Variants in SLC35F1 observed in about 807,000 individuals in gnomAD.
SLC35F1 encodes the protein solute carrier family 35 member F1, also known as chromosome 6 open reading frame 169.
Under a neutral mutation model 48.7 loss-of-function variants are expected in SLC35F1, and 14 were observed. The ratio of observed to expected loss-of-function variants is 0.29; its 90% CI spans 0.19 to 0.45. The LOEUF is 0.45. SLC35F1 is among the 20% of genes least tolerant of loss of function. SLC35F1 has a pLI of 1.00. For missense variants in SLC35F1, 404 were observed against 500.0 expected, an observed-to-expected ratio of 0.81 and a Z score of 1.83; for synonymous variants, 190 against 202.2, an observed-to-expected ratio of 0.94 and a Z score of 0.51.
intron 1 of SLC35F1, among the ~76,000 whole-genome samples, chr6:118,051,808 C>A (rs1307842829): frequency 6.6e-6 from 1 of 152,130 alleles, no homozygotes; most frequent in Admixed American, 6.6e-5. Flanking sequence ...GCCCAGCTTG[C>A]AAGCTGACTT....
rs1462531900 is a variant in SLC35F1 at position 118,012,325 on chromosome 6, G to GA, written c.173+104426_173+104427insA. Among the ~76,000 whole-genome samples the GA allele has an allele frequency of 3.9e-3, 466 of 118,056 alleles. 4 individuals carry two copies. Among genetic ancestry groups the GA allele is most frequent in the South Asian group, 0.013 (46 of 3,600 alleles). 77.4% of individuals were successfully genotyped at this position (118,056 alleles called of 152,430 possible). A position where few individuals can be genotyped will look rare whatever the true frequency, so the allele number is the denominator to read the frequency against. ...AACAGCATGCAGGGACAATAAATGG[G>GA]GAAAAAAAAAAAAAAGAAAAACTAA... On this transcript the variant is annotated intron_variant, in intron 1 of 7. Transcript: ENST00000360388.
chr6:118,001,932 A>G (rs1777103707), intron 1 of SLC35F1, among the ~76,000 whole-genome samples: 1 of 150,152 alleles, frequency 6.7e-6, no homozygotes, highest in Non-Finnish European at 1.5e-5. Context: ...AATGGCAATC[A>G]TTAAAAAGTC....
intron 1 of SLC35F1, among the ~76,000 whole-genome samples, chr6:118,101,014 T>C (rs1363688932): frequency 1.3e-5 from 2 of 152,094 alleles, no homozygotes; most frequent in African/African-American, 2.4e-5. Flanking sequence ...CTAAATTCTT[T>C]GTTATGCTAA....
chr6:117,983,012 C>A (rs1415907502), intron 1 of SLC35F1, among the ~76,000 whole-genome samples: 2 of 152,170 alleles, frequency 1.3e-5, no homozygotes, highest in African/African-American at 4.8e-5. Flanking sequence ...TCCCTAATAC[C>A]TTAATGAGGT....
intron 1 of SLC35F1, among the ~76,000 whole-genome samples, chr6:118,029,797 A>G (rs926728421): frequency 6.6e-6 from 1 of 152,078 alleles, no homozygotes; most frequent in Non-Finnish European, 1.5e-5. Context: ...TTTTTTTTCC[A>G]ATACTTTCCA....
intron 1 of SLC35F1, among the ~76,000 whole-genome samples, chr6:118,028,004 A>G (rs1771983267): frequency 6.6e-6 from 1 of 152,058 alleles, no homozygotes; most frequent in Non-Finnish European, 1.5e-5. Flanking sequence ...TAGGAGTTGC[A>G]TTTAGGCCTG....
chr6:118,152,510 G>T (rs1774076533), intron 1 of SLC35F1, among the ~76,000 whole-genome samples: 2 of 152,168 alleles, frequency 1.3e-5, no homozygotes, highest in African/African-American at 4.8e-5. Context: ...GCATATGTTG[G>T]CATGGTTTGA....
intron 1 of SLC35F1, among the ~76,000 whole-genome samples, chr6:117,910,558 C>T (rs755021862): frequency 2.6e-5 from 4 of 152,166 alleles, no homozygotes; most frequent in African/African-American, 4.8e-5. Flanking sequence ...GGTTCCAAAT[C>T]GGGAAGCTGG....
At chr6:118,077,792 T>C (rs1205199768) in intron 1 of SLC35F1, among the ~76,000 whole-genome samples, 3 of 152,172 alleles carry the variant, frequency 2.0e-5, no homozygotes, top group African/African-American at 7.2e-5. Flanking sequence ...GCATTAGGAA[T>C]AGACAAAAAG....
At chr6:118,267,660 G>T (rs1031761647) in intron 4 of SLC35F1, among the ~76,000 whole-genome samples, 12 of 152,208 alleles carry the variant, frequency 7.9e-5, no homozygotes, top group Non-Finnish European at 4.4e-5. Flanking sequence ...AAAGTTTGAG[G>T]ACTAGTTAGG....
rs576330970 is a variant in SLC35F1, at chr6:118,139,237, C to T, written c.174-15208C>T. 4.6e-5 allele frequency among the ~76,000 whole-genome samples: 7 copies of T among 152,176 alleles called. No homozygotes were observed. In the East Asian group the frequency reaches 7.8e-4, roughly 17 times the overall value. On this transcript the variant is annotated intron_variant, in intron 1 of 7. Transcript: ENST00000360388. ...ACGCCATTCTCTTGCCTCAGCCTCC[C>T]GAGTAGCTGGGACTACAGGCGCCTG... is the stretch of plus-strand genomic sequence containing the variant.
intron 1 of SLC35F1, among the ~76,000 whole-genome samples, chr6:117,998,319 A>T (rs1777031727): frequency 6.7e-6 from 1 of 149,816 alleles, no homozygotes; most frequent in African/African-American, 2.5e-5. Context: ...CCCACACAAT[A>T]ATAATGGGAG....
intron 1 of SLC35F1, among the ~76,000 whole-genome samples, chr6:118,013,260 G>T (rs576501796): frequency 6.6e-6 from 1 of 152,150 alleles, no homozygotes; most frequent in African/African-American, 2.4e-5. Context: ...TTTGAAGCTC[G>T]TCCAGGTGCC....
intron 1 of SLC35F1, among the ~76,000 whole-genome samples, chr6:118,142,020 G>A (rs995282741): frequency 1.3e-5 from 2 of 152,126 alleles, no homozygotes; most frequent in Non-Finnish European, 2.9e-5. Flanking sequence ...CTTGGCAGTG[G>A]CTCCTCCTAA....
chr6:118,074,782 G>A (rs1772793390), intron 1 of SLC35F1, among the ~76,000 whole-genome samples: 1 of 152,074 alleles, frequency 6.6e-6, no homozygotes, highest in African/African-American at 2.4e-5. Flanking sequence ...CTGGTACCTG[G>A]GAGTAGAAGC....
intron 1 of SLC35F1, among the ~76,000 whole-genome samples, chr6:118,003,271 G>A (rs898747520): frequency 6.6e-6 from 1 of 152,202 alleles, no homozygotes; most frequent in African/African-American, 2.4e-5. Context: ...TGTCTGAAGA[G>A]GTTAAGATAA....
chr6:118,266,269 C>G (rs1392561860), intron 3 of SLC35F1, among the ~76,000 whole-genome samples: 1 of 152,150 alleles, frequency 6.6e-6, no homozygotes, highest in Non-Finnish European at 1.5e-5. Context: ...TCTATCAACT[C>G]TTTGGACTTA....
At chr6:118,235,841 CTTTA>C in intron 3 of SLC35F1, among the ~76,000 whole-genome samples, 1 of 152,114 alleles carries the variant, frequency 6.6e-6, no homozygotes, top group South Asian at 2.1e-4. Context: ...TTAACTTGAA[CTTTA>C]TTTATATGTC....
intron 2 of SLC35F1, among the ~76,000 whole-genome samples, chr6:118,226,684 C>G (rs9481771): frequency 0.93 from 142,160 of 152,286 alleles, 66,417 homozygotes; most frequent in East Asian, 0.98. Context: ...AGAGTAGACT[C>G]GTGGTTACCA....
Sources: allele counts gnomAD v4.1 joint callset (sites outside exome capture counted in the v4.1 genomes callset), GRCh38; gene constraint gnomAD v4.1.1; transcripts MANE v1.5; gene names NCBI Gene and HGNC (gene_info 2026-07-23, HGNC 2026-07-21).